Variants in HHIPL1 observed in about 807,000 individuals in gnomAD.
HHIPL1 encodes HHIP-like protein 1.
A neutral mutation model predicts 61.8 loss-of-function variants in HHIPL1; 43 were observed. The ratio of observed to expected loss-of-function variants is 0.70; its 90% CI spans 0.55 to 0.90. The LOEUF (loss-of-function observed/expected upper bound fraction) is 0.90. Ranked by LOEUF, HHIPL1 falls within the 40% of genes least tolerant of loss-of-function variation. The probability of loss-of-function intolerance (pLI) is 0.00; values close to 1 mark genes in which losing one functional copy is unlikely to be tolerated. For synonymous variants in HHIPL1, 482 were observed against 515.8 expected (o/e 0.93, Z 0.89); for missense variants, 1,056 against 1,157.7 (o/e 0.91, Z 1.28).
chr14:99,650,922 G>C (rs1444232393), intron 1 of HHIPL1, among the ~76,000 whole-genome samples: 1 of 152,226 alleles, frequency 6.6e-6, no homozygotes, highest in African/African-American at 2.4e-5. Context: ...GAAATGGCAG[G>C]GAGTATGTAT....
intron 1 of HHIPL1, among the ~76,000 whole-genome samples, chr14:99,650,339 CCCCCGAAGCTCTGGGG>C (rs1321065781): frequency 6.6e-6 from 1 of 152,174 alleles, no homozygotes; most frequent in Non-Finnish European, 1.5e-5. Flanking sequence ...GAAGGAGCAT[CCCCCGAAGCTCTGGGG>C]GCCCAGAGCT....
At chr14:99,674,506 A>C (rs1297105594) in intron 8 of HHIPL1, among the ~76,000 whole-genome samples, 3 of 152,206 alleles carry the variant, frequency 2.0e-5, no homozygotes, top group Admixed American at 6.5e-5. Flanking sequence ...CGCTGGTGCC[A>C]ACCTTGGGAA....
At chr14:99,653,608 C>T (rs1433227311) in intron 2 of HHIPL1, among the ~76,000 whole-genome samples, 1 of 152,172 alleles carries the variant, frequency 6.6e-6, no homozygotes, top group East Asian at 1.9e-4. Context: ...ATTCTTGAGC[C>T]CCACTGGGTC....
chr14:99,637,189 GAAGAAAGAAAGGAAGAAAGAAAGAAAGA>G, the HHIPL1 span, among the ~76,000 whole-genome samples: 3 of 78,388 alleles, frequency 3.8e-5, no homozygotes, highest in African/African-American at 1.4e-4. Flanking sequence ...AGAAAGAATG[GAAGAAAGAAAGGAAGAAAGAAAGAAAGA>G]AAGAAAGAAA....
intron 7 of HHIPL1, among the ~76,000 whole-genome samples, chr14:99,670,046 C>T (rs1013509979): frequency 6.6e-6 from 1 of 152,128 alleles, no homozygotes; most frequent in African/African-American, 2.4e-5. Flanking sequence ...CCATAGTGTA[C>T]ATGTCAAAAT....
chr14:99,662,938 T>C lies in HHIPL1; in HGVS notation c.1565T>C (p.Met522Thr), dbSNP rs899249939. 1.2e-6 allele frequency: 2 copies of C among 1,613,892 alleles called. No individual in the cohort carries two copies. The highest frequency in any genetic ancestry group is 1.1e-5 in the South Asian group (1 of 91,044). The change falls in exon 6 of 9, where the codon ATG (methionine) becomes ACG (threonine). Residue 522 changes from methionine (M) to threonine (T), a missense_variant. Transcript: ENST00000330710. ...CAGTGGCAGTACAGTGAGATCTGCA[T>C]GGGCCACGGCCAGACCTGTGAGTTC... ...TGQWQYSEIC[M>T]GHGQTCEFPG...
Position 99,675,463 on chromosome 14 carries a change from A to G in HHIPL1, c.2186A>G (p.Glu729Gly), listed in dbSNP as rs1483333991. ...AYAVRAVKRA[E>G]FGQGGSLPIL... Reference sequence around the variant, plus strand: ...GCCGTGCGCGCCGTCAAGAGAGCCGAGTTCGGCCAGGGCGGCTCGCTGCCC... The same window carrying G: ...GCCGTGCGCGCCGTCAAGAGAGCCGGGTTCGGCCAGGGCGGCTCGCTGCCC... Residue 729 changes from glutamate (E) to glycine (G), a missense_variant, in exon 9 of 9, where the codon GAG (glutamate) becomes GGG (glycine). Physicochemically the swap from Glu to Gly is moderately conservative, Grantham distance 98. Coordinates refer to ENST00000330710, the MANE Select transcript of HHIPL1 (RefSeq NM_001127258.3). The surrounding 1 kb of genome is among the most constrained non-coding windows in gnomAD (Gnocchi z 5.4). 1 of 1,540,240 alleles carries G rather than the reference A, an allele frequency of 6.5e-7. No individual in the cohort carries two copies. The highest frequency in any genetic ancestry group is 8.7e-7 in the Non-Finnish European group (1 of 1,146,142).
the HHIPL1 span, among the ~76,000 whole-genome samples, chr14:99,638,614 C>T: frequency 6.6e-6 from 1 of 152,192 alleles, no homozygotes; most frequent in Non-Finnish European, 1.5e-5. Context: ...CTGGTCTCAC[C>T]TCTTCCCCAC....
At position 99,660,452 on chromosome 14, in the gene HHIPL1, C is replaced by G. The variant is rs1307045354; in HGVS notation, c.1502+46C>G. The G allele has an allele frequency of 6.3e-7, 1 of 1,586,306 alleles. No individual in the cohort carries two copies. The highest frequency in any genetic ancestry group is 1.7e-5 in the Admixed American group (1 of 58,504). On this transcript the variant is annotated intron_variant, in intron 5 of 8. Coordinates refer to ENST00000330710, the MANE Select transcript of HHIPL1 (RefSeq NM_001127258.3). This position sits in a 1 kb window ranked among gnomAD's most constrained non-coding sequence, Gnocchi z 4.9. ...GCGCCCCTGGCTGCTGCCACTGGCT[C>G]CTTGGGACTGGCTCCTTGGTAAAGG...
At chr14:99,669,501 G>A (rs1445462225) in intron 7 of HHIPL1, among the ~76,000 whole-genome samples, 1 of 152,166 alleles carries the variant, frequency 6.6e-6, no homozygotes, top group Non-Finnish European at 1.5e-5. Context: ...GAAACAAGCT[G>A]GCATGTTTCA....
the HHIPL1 span, among the ~76,000 whole-genome samples, chr14:99,639,785 C>T: frequency 2.6e-5 from 4 of 152,074 alleles, no homozygotes; most frequent in African/African-American, 9.7e-5. Context: ...CCTCAGCCTC[C>T]TGAGTAGCTG....
chr14:99,611,963 G>A, the HHIPL1 span, among the ~76,000 whole-genome samples: 688 of 152,292 alleles, frequency 4.5e-3, 4 homozygotes, highest in African/African-American at 0.016. Context: ...CATCCTCGGT[G>A]ATGTCTAGGG....
At chr14:99,649,921 C>T (rs1309777479) in intron 1 of HHIPL1, among the ~76,000 whole-genome samples, 1 of 152,242 alleles carries the variant, frequency 6.6e-6, no homozygotes, top group Admixed American at 6.5e-5. Flanking sequence ...AGGTGGTTCC[C>T]AGTGAACCAT....
the HHIPL1 span, among the ~76,000 whole-genome samples, chr14:99,626,577 T>C: frequency 1.3e-5 from 2 of 152,160 alleles, no homozygotes; most frequent in Non-Finnish European, 2.9e-5. Context: ...CCCAACAGGA[T>C]GGGTGCCCAG....
chr14:99,650,922 G>A (rs1444232393), intron 1 of HHIPL1, among the ~76,000 whole-genome samples: 8 of 152,226 alleles, frequency 5.3e-5, no homozygotes, highest in Admixed American at 3.9e-4. Context: ...GAAATGGCAG[G>A]GAGTATGTAT....
rs1411599511 is a variant in HHIPL1 at position 99,645,415 on chromosome 14, G to A, written c.208G>A (p.Ala70Thr). Reference sequence around the variant, plus strand: ...GGCCCTGGCGAGCCGCGTGGACGCCGCCGAGTGGGCCGCGTGCGCCGGCTA... The same window carrying A: ...GGCCCTGGCGAGCCGCGTGGACGCCACCGAGTGGGCCGCGTGCGCCGGCTA... ...FWALASRVDAAEWAACAGYAR... is the reference protein window; with the variant it reads ...FWALASRVDATEWAACAGYAR... Residue 70 changes from alanine to threonine, a missense_variant, in exon 1 of 9, where the codon GCC becomes ACC. By Grantham distance (58) the Ala-to-Thr change is moderately conservative. Coordinates refer to ENST00000330710, the MANE Select transcript of HHIPL1 (RefSeq NM_001127258.3). 2.9e-6 allele frequency: 4 copies of A among 1,381,538 alleles called. No homozygotes were observed. Among genetic ancestry groups the A allele is most frequent in the South Asian group, 3.3e-5 (2 of 60,274 alleles). The allele number at this position is 1,381,538 out of a possible 1,614,324, so 85.6% of individuals were successfully genotyped here. A position where few individuals can be genotyped will look rare whatever the true frequency, so the allele number is the denominator to read the frequency against.
At chr14:99,656,854 AGGAAGGAAGGAAGGAAGGAAGG>A (rs1566810023) in intron 2 of HHIPL1, 124 bp from the exon 3 acceptor site, 766 of 54,654 alleles carry the variant, frequency 0.014, 144 homozygotes, top group Admixed American at 0.018. Flanking sequence ...GAAGGAAGGA[AGGAAGGAAGGAAGGAAGGAAGG>A]AAGGAAGGAA....
chr14:99,637,119 GAA>G, the HHIPL1 span, among the ~76,000 whole-genome samples: 6 of 137,040 alleles, frequency 4.4e-5, 1 homozygote, highest in Non-Finnish European at 9.4e-5. Flanking sequence ...AAGAAAGAAA[GAA>G]AAGAAAGAGA....
chr14:99,658,780 G>A (rs2056092731), intron 3 of HHIPL1, among the ~76,000 whole-genome samples: 1 of 149,788 alleles, frequency 6.7e-6, no homozygotes, highest in South Asian at 2.2e-4. Context: ...CAACCCGCAC[G>A]CTGGTGCATT....
Sources: gnomAD v4.1 joint callset for allele counts (sites outside exome capture counted in the v4.1 genomes callset) on GRCh38, gnomAD v4.1.1 for gene constraint, Gnocchi (gnomAD v3.1) non-coding constraint, MANE v1.5 for transcripts, NCBI Gene and HGNC (gene_info 2026-07-23, HGNC 2026-07-21) for gene names.